The following CSN1S1 variants were observed in gnomAD, a reference collection of about 807,000 sequenced individuals.
CSN1S1 encodes the protein alpha-S1-casein.
Under a neutral mutation model 49.1 loss-of-function variants are expected in CSN1S1, and 63 were observed. The ratio of observed to expected loss-of-function variants is 1.28; its 90% CI spans 1.05 to 1.58. CSN1S1 has a LOEUF of 1.58. Ranked by LOEUF, CSN1S1 falls within the 40% of genes most tolerant of loss-of-function variation. The pLI, the probability that CSN1S1 is intolerant of heterozygous loss-of-function variation, is 0.00. For missense variants in CSN1S1, 260 were observed against 224.7 expected (o/e 1.16, Z -1.01); for synonymous variants, 78 against 67.1 (o/e 1.16, Z -0.79).
intron 14 of CSN1S1, among the ~76,000 whole-genome samples, chr4:69,943,528 A>G (rs1723052401): frequency 6.6e-6 from 1 of 152,020 alleles, no homozygotes; most frequent in African/African-American, 2.4e-5. Context: ...TGCATTTTTC[A>G]TATTAATGAG....
chr4:69,935,041 C>T (rs1004331786), intron 4 of CSN1S1, among the ~76,000 whole-genome samples: 5 of 151,788 alleles, frequency 3.3e-5, no homozygotes, highest in African/African-American at 7.3e-5. Flanking sequence ...GTTGGTTTAC[C>T]GAATTAAATG....
Position 69,932,609 on chromosome 4 carries a change from A to C in CSN1S1, c.51+3A>C, listed in dbSNP as rs1335454290. The C allele has an allele frequency of 6.3e-7, 1 of 1,593,224 alleles. No individual in the cohort carries two copies. Among genetic ancestry groups the C allele is most frequent in the Non-Finnish European group, 8.6e-7 (1 of 1,167,744 alleles). On this transcript the variant is annotated splice_donor_region_variant and intron_variant, in intron 2 of 15. Coordinates refer to ENST00000246891, the MANE Select transcript of CSN1S1 (RefSeq NM_001890.2). The stretch of plus-strand genomic sequence containing the variant: ...TGGCTGTTGCTCTTGCCAGGCCTGT[A>C]AGTTCAGTAGAGAATTTAGAAAGTC...
At chr4:69,937,853 C>T in intron 9 of CSN1S1, 30 bp downstream of exon 9, 6 of 1,538,542 alleles carry the variant, frequency 3.9e-6, no homozygotes, top group Non-Finnish European at 4.4e-6. Flanking sequence ...GTGAACTCTA[C>T]ACTTACGTAT....
At chr4:69,937,931 A>G in intron 9 of CSN1S1, 108 bp downstream of exon 9, 2 of 664,720 alleles carry the variant, frequency 3.0e-6, no homozygotes, top group Middle Eastern at 2.7e-4. Context: ...AAAATAAGAA[A>G]CTGAATTTTA....
intron 9 of CSN1S1, among the ~76,000 whole-genome samples, chr4:69,938,932 A>C (rs1560388435): frequency 6.6e-6 from 1 of 151,736 alleles, no homozygotes; most frequent in Non-Finnish European, 1.5e-5. Context: ...TTGTTTTCCT[A>C]AATTAAAAAC....
chr4:69,932,819 G>T (rs1357995150), intron 2 of CSN1S1, among the ~76,000 whole-genome samples: 1 of 151,826 alleles, frequency 6.6e-6, no homozygotes, highest in Non-Finnish European at 1.5e-5. Flanking sequence ...TAAAATGTCT[G>T]ACTTGAATTA....
intron 15 of CSN1S1, among the ~76,000 whole-genome samples, chr4:69,945,381 C>T (rs1347511267): frequency 5.3e-5 from 8 of 151,962 alleles, no homozygotes; most frequent in Non-Finnish European, 2.9e-5. Context: ...AGTATAAAAA[C>T]ACTGGGTAGG....
At chr4:69,945,025 A>C (rs762889613) in intron 15 of CSN1S1, 21 bp downstream of exon 15, 6 of 1,609,846 alleles carry the variant, frequency 3.7e-6, no homozygotes, top group Non-Finnish European at 4.2e-6. Context: ...TTAAATTACT[A>C]CATCTTGATG....
intron 8 of CSN1S1, 61 bp downstream of exon 8, chr4:69,937,205 C>A: frequency 8.8e-7 from 1 of 1,131,660 alleles, no homozygotes; most frequent in Non-Finnish European, 1.2e-6. Context: ...ATACATATTT[C>A]CCCAAATAAA....
At position 69,940,033 on chromosome 4, in the gene CSN1S1, A is replaced by C. The variant is rs761958750; in HGVS notation, c.289A>C (p.Ser97Arg). Residue 97 changes from serine to arginine, a missense_variant, in exon 11 of 16, where the codon AGT becomes CGT. Ser to Arg is a moderately radical substitution (Grantham distance 110). Coordinates refer to ENST00000246891, the MANE Select transcript of CSN1S1 (RefSeq NM_001890.2). Reference protein sequence around the residue: ...ISSSSEEMSLSKCAEQFCRLN... With the variant: ...ISSSSEEMSLRKCAEQFCRLN... ...AATTTTTTTAAAGGAAATGTCTCTC[A>C]GTAAGTGTGCGGTAAGACATATTTG... 1 of 1,402,492 alleles carries C rather than the reference A, an allele frequency of 7.1e-7. No individual in the cohort carries two copies. Among genetic ancestry groups the C allele is most frequent in the Non-Finnish European group, 9.6e-7 (1 of 1,038,926 alleles). 86.9% of individuals were successfully genotyped at this position (1,402,492 alleles called of 1,614,324 possible). A position where few individuals can be genotyped will look rare whatever the true frequency, so the allele number is the denominator to read the frequency against.
chr4:69,942,722 T>C (rs1291788580), intron 14 of CSN1S1, 145 bp downstream of exon 14: 5 of 651,328 alleles, frequency 7.7e-6, no homozygotes, highest in Non-Finnish European at 1.4e-5. Flanking sequence ...TTCTGACAAC[T>C]TCTAAGCATA....
At chr4:69,938,385 C>T (rs766617393) in intron 9 of CSN1S1, among the ~76,000 whole-genome samples, 2 of 151,620 alleles carry the variant, frequency 1.3e-5, no homozygotes, top group African/African-American at 4.8e-5. Flanking sequence ...GTTTTTACAG[C>T]GTAATGGCAA....
At chr4:69,931,345 T>C (rs748453650) in intron 1 of CSN1S1, among the ~76,000 whole-genome samples, 2 of 151,990 alleles carry the variant, frequency 1.3e-5, no homozygotes, top group Non-Finnish European at 2.9e-5. Flanking sequence ...TTTTTGATAA[T>C]TTTGTAACTA....
intron 3 of CSN1S1, 37 bp from the exon 4 acceptor site, chr4:69,934,653 T>C: frequency 1.3e-6 from 2 of 1,581,228 alleles, no homozygotes; most frequent in Non-Finnish European, 1.7e-6. Context: ...GTCCTGCAAT[T>C]GGAATAATAC....
intron 14 of CSN1S1, among the ~76,000 whole-genome samples, chr4:69,944,121 C>T (rs926260435): frequency 2.0e-5 from 3 of 151,786 alleles, no homozygotes; most frequent in African/African-American, 7.3e-5. Flanking sequence ...TTAATCTTTA[C>T]ATAGGCAGGT....
intron 15 of CSN1S1, 81 bp downstream of exon 15, chr4:69,945,085 C>T: frequency 6.9e-7 from 1 of 1,455,242 alleles, no homozygotes; most frequent in Non-Finnish European, 9.5e-7. Flanking sequence ...ACCATAAGAA[C>T]AGATTTAGAT....
At chr4:69,942,710 A>G (rs1560390686) in intron 14 of CSN1S1, 133 bp downstream of exon 14, 4 of 675,618 alleles carry the variant, frequency 5.9e-6, no homozygotes, top group Non-Finnish European at 1.0e-5. Context: ...CTTAAATCTC[A>G]GTTCTGACAA....
At position 69,940,121 on chromosome 4, in the gene CSN1S1, A is replaced by T. The variant is rs948023372; in HGVS notation, c.300+77A>T. 3.0e-4 allele frequency: 140 copies of T among 474,488 alleles called. 2 individuals carry two copies. The highest frequency in any genetic ancestry group is 7.3e-4 in the South Asian group (14 of 19,086). The allele number at this position is 474,488 out of a possible 1,614,324, so 29.4% of individuals were successfully genotyped here. The stretch of plus-strand genomic sequence containing the variant: ...AAAATGCACTTACTTTCACACACAC[A>T]CACACACACACACACACACACACAC... On this transcript the variant is annotated intron_variant, in intron 11 of 15. Coordinates refer to ENST00000246891, the MANE Select transcript of CSN1S1 (RefSeq NM_001890.2).
At position 69,934,693 on chromosome 4, in the gene CSN1S1, C is replaced by A. The variant is rs372882247; in HGVS notation, c.88C>A (p.Pro30Thr). Residue 30 changes from proline to threonine, a missense_variant, in exon 4 of 16, where the codon CCA (proline) becomes ACA (threonine). By Grantham distance (38) the Pro-to-Thr change is conservative (BLOSUM62 -1). Coordinates refer to ENST00000246891, the MANE Select transcript of CSN1S1 (RefSeq NM_001890.2). Reference sequence around the variant, plus strand: ...TAAAAATTATTATTTTTTACAGAATCCATCAGAGAGCAGTGAGGTAAGCTC... The same window carrying A: ...TAAAAATTATTATTTTTTACAGAATACATCAGAGAGCAGTGAGGTAAGCTC... ...PLRYPERLQNPSESSEPIPLE... is the reference protein window; with the variant it reads ...PLRYPERLQNTSESSEPIPLE... 5.6e-6 allele frequency: 9 copies of A among 1,608,534 alleles called. No homozygotes were observed. Among genetic ancestry groups the A allele is most frequent in the African/African-American group, 1.3e-5 (1 of 74,720 alleles).
Sources: allele counts gnomAD v4.1 joint callset (sites outside exome capture counted in the v4.1 genomes callset), GRCh38; gene constraint gnomAD v4.1.1; transcripts MANE v1.5; gene names NCBI Gene and HGNC (gene_info 2026-07-23, HGNC 2026-07-21).